Variants in PTGS1 observed in about 807,000 individuals in gnomAD.
PTGS1 encodes prostaglandin G/H synthase 1.
In PTGS1, 40 loss-of-function variants were observed where a neutral mutation model predicts 63.0. The ratio of observed to expected loss-of-function variants is 0.63; its 90% CI spans 0.49 to 0.83. The LOEUF (loss-of-function observed/expected upper bound fraction) is 0.83. Ranked by LOEUF, PTGS1 falls within the 40% of genes least tolerant of loss-of-function variation. PTGS1 has a pLI of 0.00. For missense variants in PTGS1, 709 were observed against 786.5 expected, an observed-to-expected ratio of 0.90 and a Z score of 1.18; for synonymous variants, 298 against 301.9, an observed-to-expected ratio of 0.99 and a Z score of 0.13.
chr9:122,370,875 G>A (rs1471932576), upstream of PTGS1: 22 of 795,570 alleles, frequency 2.8e-5, no homozygotes, highest in East Asian at 2.7e-5. Context: ...GTGAAAAGCC[G>A]CTTTAGCGGC....
rs199627452 is a variant in PTGS1 at position 122,392,460 on chromosome 9, G to T, written c.1716G>T (p.Lys572Asn). The T allele has an allele frequency of 1.3e-4, 203 of 1,614,064 alleles. No homozygotes were observed. Among genetic ancestry groups the T allele is most frequent in the Non-Finnish European group, 1.7e-4 (200 of 1,180,048 alleles). ...TLKKLVCLNT[K>N]TCPYVSFRVP... ...AGAAGCTGGTCTGCCTCAACACCAA[G>T]ACCTGTCCCTACGTTTCCTTCCGTG... The change falls in exon 11 of 11, where the codon AAG becomes AAT. Residue 572 changes from lysine (K) to asparagine (N), a missense_variant. By Grantham distance (94) the Lys-to-Asn change is moderately conservative. Coordinates refer to ENST00000362012, the MANE Select transcript of PTGS1 (RefSeq NM_000962.4).
chr9:122,372,152 T>C (rs1836846875), intron 2 of PTGS1, among the ~76,000 whole-genome samples: 1 of 152,158 alleles, frequency 6.6e-6, no homozygotes, highest in Non-Finnish European at 1.5e-5. Context: ...CTCCACCACC[T>C]AGCTGTGTAA....
rs200353943 is a variant in PTGS1, at chr9:122,392,454, C to T, written c.1710C>T (p.Asn570=). Residue 570 remains asparagine, a synonymous_variant, in exon 11 of 11, where the codon AAC becomes AAT. Coordinates refer to ENST00000362012, the MANE Select transcript of PTGS1 (RefSeq NM_000962.4). ...TATLKKLVCL[N]TKTCPYVSFR... The stretch of plus-strand genomic sequence containing the variant: ...CACTGAAGAAGCTGGTCTGCCTCAA[C>T]ACCAAGACCTGTCCCTACGTTTCCT... 2 of 1,614,204 alleles carry T rather than the reference C, an allele frequency of 1.2e-6. No individual in the cohort carries two copies. Among genetic ancestry groups the T allele is most frequent in the African/African-American group, 1.3e-5 (1 of 75,046 alleles).
rs546666140 is a variant in PTGS1 at position 122,385,212 on chromosome 9, C to T, written c.1010-1234C>T. ...ACCTCAGGTGATCCACCCGCCTTGGCATCCCAAAGTTCTGGGTTTATAGGC... is the reference window on the plus strand; with the variant it reads ...ACCTCAGGTGATCCACCCGCCTTGGTATCCCAAAGTTCTGGGTTTATAGGC... On this transcript the variant is annotated intron_variant, in intron 8 of 10. Transcript: ENST00000362012. 5.1e-4 allele frequency among the ~76,000 whole-genome samples: 78 copies of T among 152,322 alleles called. No homozygotes were observed. In the South Asian group the frequency reaches 0.016, roughly 32 times the overall value.
upstream of PTGS1, chr9:122,370,934 A>G: frequency 7.9e-7 from 1 of 1,273,812 alleles, no homozygotes; most frequent in South Asian, 1.4e-5. Context: ...GGGCAGAGGA[A>G]GTAAGCGGGC....
intron 10 of PTGS1, among the ~76,000 whole-genome samples, chr9:122,391,394 T>TAC (rs1838255761): frequency 1.2e-5 from 1 of 85,446 alleles, no homozygotes. Flanking sequence ...TACATATATA[T>TAC]ATACATATAT....
At chr9:122,371,434 GCCCC>G (rs539159898) in intron 2 of PTGS1, among the ~76,000 whole-genome samples, 162 bp downstream of exon 2, 1 of 152,076 alleles carries the variant, frequency 6.6e-6, no homozygotes, top group East Asian at 1.9e-4. Flanking sequence ...GCTCCCTGAA[GCCCC>G]CCCGGCGGTG....
chr9:122,385,651 T>A (rs535459731), intron 8 of PTGS1, among the ~76,000 whole-genome samples: 1 of 152,254 alleles, frequency 6.6e-6, no homozygotes, highest in Admixed American at 6.5e-5. Context: ...GCTCCCCTTC[T>A]GTCCTCAGTA....
At chr9:122,371,722 C>T in intron 2 of PTGS1, 1 of 1,514,096 alleles carries the variant, frequency 6.6e-7, no homozygotes, top group Non-Finnish European at 8.8e-7. Flanking sequence ...GAGAAGGTCT[C>T]CCCTGGTGAA....
intron 2 of PTGS1, among the ~76,000 whole-genome samples, chr9:122,375,943 C>T (rs1169163699): frequency 2.6e-5 from 4 of 152,104 alleles, no homozygotes; most frequent in South Asian, 4.2e-4. Context: ...TGAGTCCTAG[C>T]GGACCTTGTG....
chr9:122,391,416 T>TATATAC (rs1564147636), intron 10 of PTGS1, among the ~76,000 whole-genome samples: 13 of 31,250 alleles, frequency 4.2e-4, no homozygotes, highest in African/African-American at 1.9e-3. Context: ...TATACATATA[T>TATATAC]ATATATATAT....
intron 10 of PTGS1, 147 bp downstream of exon 10, chr9:122,390,492 T>A (rs945242646): frequency 3.3e-5 from 33 of 1,002,836 alleles, no homozygotes; most frequent in Non-Finnish European, 4.1e-5. Flanking sequence ...TGTGCCAGGG[T>A]GGTAAATAAG....
chr9:122,381,779 AGG>A, intron 7 of PTGS1, 32 bp downstream of exon 7: 1 of 1,594,734 alleles, frequency 6.3e-7, no homozygotes, highest in Non-Finnish European at 8.6e-7. Flanking sequence ...GGGCAGAGGG[AGG>A]GGTCTCCCAT....
intron 8 of PTGS1, 54 bp downstream of exon 8, chr9:122,383,809 A>G (rs1469300696): frequency 6.3e-7 from 1 of 1,577,508 alleles, no homozygotes; most frequent in African/African-American, 1.3e-5. Context: ...CATCCTGAGA[A>G]GTTGGGGGCG....
rs371818443 is a variant in PTGS1, at chr9:122,386,731, G to C, written c.1295G>C (p.Arg432Pro). The change falls in exon 9 of 11, where the codon CGG (arginine) becomes CCG (proline). Residue 432 changes from arginine to proline, a missense_variant and splice_region_variant. Arg to Pro is a moderately radical substitution (Grantham distance 103). Transcript: ENST00000362012. Reference protein sequence around the residue: ...VDAFSRQIAGRIGGGRNMDHH... With the variant: ...VDAFSRQIAGPIGGGRNMDHH... ...GCCTTCTCTCGCCAGATTGCTGGCC[G>C]GGTAAGCCCCAGAGGAGTGCTGGTG... is the stretch of plus-strand genomic sequence containing the variant. The C allele has an allele frequency of 6.2e-7, 1 of 1,613,910 alleles. No individual in the cohort carries two copies. The highest frequency in any genetic ancestry group is 8.5e-7 in the Non-Finnish European group (1 of 1,179,906).
At position 122,394,468 on chromosome 9, in the gene PTGS1, C is replaced by A. The variant is rs1332197039; in HGVS notation, c.*1924C>A. On this transcript the variant is annotated 3_prime_UTR_variant, in exon 11 of 11. Coordinates refer to ENST00000362012, the MANE Select transcript of PTGS1 (RefSeq NM_000962.4). ...ATGCAGGGAATGCAATCCTTCCCTG[C>A]TCTTGCAGTTGCTCTGACGTAGAAA... is the stretch of plus-strand genomic sequence containing the variant. 1.3e-5 allele frequency: 2 copies of A among 152,226 alleles called. No individual in the cohort carries two copies. The highest frequency in any genetic ancestry group is 2.4e-5 in the African/African-American group (1 of 41,454). 9.4% of individuals were successfully genotyped at this position (152,226 alleles called of 1,614,324 possible). A position where few individuals can be genotyped will look rare whatever the true frequency, so the allele number is the denominator to read the frequency against.
chr9:122,381,209 C>A (rs1462361162), intron 5 of PTGS1, among the ~76,000 whole-genome samples, 162 bp from the exon 6 acceptor site: 1 of 152,088 alleles, frequency 6.6e-6, no homozygotes, highest in East Asian at 1.9e-4. Flanking sequence ...CTTCTAGGGT[C>A]TTTTGGTAGA....
At chr9:122,373,072 C>T (rs992005242) in intron 2 of PTGS1, among the ~76,000 whole-genome samples, 1 of 152,162 alleles carries the variant, frequency 6.6e-6, no homozygotes, top group Non-Finnish European at 1.5e-5. Context: ...AGGGAGGCTT[C>T]TTGGATCTGA....
At chr9:122,387,772 T>C (rs550310465) in intron 9 of PTGS1, among the ~76,000 whole-genome samples, 43 of 152,324 alleles carry the variant, frequency 2.8e-4, no homozygotes, top group South Asian at 2.1e-3. Flanking sequence ...CACATTCTCT[T>C]TCCCTGGAAT....
Sources: allele counts gnomAD v4.1 joint callset (sites outside exome capture counted in the v4.1 genomes callset), GRCh38; gene constraint gnomAD v4.1.1; transcripts MANE v1.5; gene names NCBI Gene and HGNC (gene_info 2026-07-23, HGNC 2026-07-21).